Variants in LYRM4 observed in about 807,000 individuals in gnomAD.
LYRM4 encodes the protein LYR motif-containing protein 4.
A neutral mutation model predicts 11.7 loss-of-function variants in LYRM4; 9 were observed. The observed-to-expected ratio is 0.77, with a 90% CI of 0.46 to 1.34. The LOEUF is 1.34. Among genes scored for constraint, LYRM4 ranks in the 40% most tolerant of loss-of-function variants. The probability of loss-of-function intolerance (pLI) is 0.00; values close to 1 mark genes in which losing one functional copy is unlikely to be tolerated. For synonymous variants in LYRM4, 42 were observed against 40.4 expected, an observed-to-expected ratio of 1.04 and a Z score of -0.15; for missense variants, 133 against 112.5, an observed-to-expected ratio of 1.18 and a Z score of -0.82.
chr6:5,219,201 C>T (rs1465088869), intron 1 of LYRM4, among the ~76,000 whole-genome samples: 1 of 152,072 alleles, frequency 6.6e-6, no homozygotes, highest in Non-Finnish European at 1.5e-5. Flanking sequence ...ATGTAAAGAC[C>T]TAAGGTCTTC....
intron 1 of LYRM4, among the ~76,000 whole-genome samples, chr6:5,225,273 T>C (rs1762818130): frequency 6.6e-6 from 1 of 151,126 alleles, no homozygotes; most frequent in East Asian, 1.9e-4. Flanking sequence ...AAAAAGATGT[T>C]TAAAAAAAAC....
chr6:5,191,068 C>T lies in LYRM4; in HGVS notation c.207+25550G>A, dbSNP rs73719737. On this transcript the variant is annotated intron_variant, in intron 2 of 2. Transcript: ENST00000330636. ...TTCCTAAGAGAAAATCACGGATGTA[C>T]ATGAAGATATTTATGGCAACACTGT... 3.3e-3 allele frequency among the ~76,000 whole-genome samples: 495 copies of T among 151,678 alleles called. 5 individuals carry two copies. The highest frequency in any genetic ancestry group is 0.011 in the African/African-American group (469 of 41,312).
intron 2 of LYRM4, among the ~76,000 whole-genome samples, chr6:5,142,813 T>G (rs1039569225): frequency 1.3e-4 from 20 of 152,176 alleles, no homozygotes; most frequent in African/African-American, 4.3e-4. Flanking sequence ...GAGCCCAGGA[T>G]GCTTTCCCTA....
the LYRM4 span, chr6:5,086,190 CT>C: frequency 3.6e-5 from 55 of 1,533,940 alleles, no homozygotes; most frequent in Middle Eastern, 5.1e-4. Flanking sequence ...AGGTGAAGGG[CT>C]CCGGCCGGGT....
chr6:5,179,065 C>CAAAAAAAAAAAAA (rs58749743), intron 2 of LYRM4, among the ~76,000 whole-genome samples: 66 of 103,768 alleles, frequency 6.4e-4, no homozygotes, highest in Admixed American at 9.9e-4. Context: ...ACCAAAAAAA[C>CAAAAAAAAAAAAA]AAAAAAAAAA....
chr6:5,066,941 G>C, the LYRM4 span: 2 of 1,106,140 alleles, frequency 1.8e-6, no homozygotes, highest in Non-Finnish European at 2.5e-6. Context: ...CCAAGGCGGA[G>C]AGCCTCAGCC....
At chr6:5,234,109 C>T (rs1033444477) in intron 1 of LYRM4, among the ~76,000 whole-genome samples, 14 of 152,338 alleles carry the variant, frequency 9.2e-5, no homozygotes, top group African/African-American at 2.4e-4. Flanking sequence ...AATGTATTTT[C>T]TATCATGATG....
At chr6:5,233,763 A>T (rs1207517218) in intron 1 of LYRM4, among the ~76,000 whole-genome samples, 1 of 152,204 alleles carries the variant, frequency 6.6e-6, no homozygotes, top group Non-Finnish European at 1.5e-5. Context: ...GGCCCATGCC[A>T]CCATGCTCAG....
At chr6:5,249,468 GC>G (rs367656307) in intron 1 of LYRM4, among the ~76,000 whole-genome samples, 2 of 152,130 alleles carry the variant, frequency 1.3e-5, no homozygotes, top group South Asian at 2.1e-4. Flanking sequence ...TGTGATTTTT[GC>G]TTTTTTTATC....
chr6:5,231,501 G>A (rs1581562466), intron 1 of LYRM4, among the ~76,000 whole-genome samples: 1 of 152,318 alleles, frequency 6.6e-6, no homozygotes, highest in South Asian at 2.1e-4. Flanking sequence ...TGAAGTTAAA[G>A]GGCTCTGAAT....
At chr6:5,085,815 C>T in the LYRM4 span, 3 of 1,527,444 alleles carry the variant, frequency 2.0e-6, no homozygotes, top group Non-Finnish European at 2.6e-6. Context: ...TGGCACTGGG[C>T]GGCGAGGGGG....
At chr6:5,246,481 T>C (rs1186085619) in intron 1 of LYRM4, among the ~76,000 whole-genome samples, 1 of 152,188 alleles carries the variant, frequency 6.6e-6, no homozygotes, top group African/African-American at 2.4e-5. Context: ...ATTCCCCAAC[T>C]ACCACATTTA....
At chr6:5,175,510 AGAG>A (rs1443602109) in intron 2 of LYRM4, among the ~76,000 whole-genome samples, 1 of 152,042 alleles carries the variant, frequency 6.6e-6, no homozygotes, top group East Asian at 1.9e-4. Flanking sequence ...AAGGGATGGG[AGAG>A]GAGAATTAAA....
chr6:5,242,091 G>A (rs1336578961), intron 1 of LYRM4, among the ~76,000 whole-genome samples: 1 of 111,230 alleles, frequency 9.0e-6, no homozygotes. Flanking sequence ...TTTTTTTTTT[G>A]AGATAGAGTC....
intron 2 of LYRM4, among the ~76,000 whole-genome samples, chr6:5,150,724 A>G (rs546107164): frequency 1.3e-5 from 2 of 152,294 alleles, no homozygotes; most frequent in East Asian, 3.9e-4. Flanking sequence ...GCAAGCGTGT[A>G]ACCGCTGCAT....
chr6:5,260,795 A>G lies in LYRM4; in HGVS notation c.-62T>C. The G allele has an allele frequency of 6.5e-7, 1 of 1,533,392 alleles. No individual in the cohort carries two copies. The highest frequency in any genetic ancestry group is 8.7e-7 in the Non-Finnish European group (1 of 1,145,474). 95.0% of individuals were successfully genotyped at this position (1,533,392 alleles called of 1,614,324 possible). A position where few individuals can be genotyped will look rare whatever the true frequency, so the allele number is the denominator to read the frequency against. On this transcript the variant is annotated 5_prime_UTR_variant, in exon 1 of 3. Coordinates refer to ENST00000330636, the MANE Select transcript of LYRM4 (RefSeq NM_020408.6). ...CGAGGTCCCAAGTACGACCCAACCC[A>G]CGAAACTCCAGCCTGTGCGGAAACC... is the stretch of plus-strand genomic sequence containing the variant.
the LYRM4 span, among the ~76,000 whole-genome samples, chr6:5,064,928 G>A: frequency 2.6e-5 from 4 of 151,994 alleles, no homozygotes; most frequent in African/African-American, 4.8e-5. Flanking sequence ...GCTTAGTCTC[G>A]GTGTTGCACA....
the LYRM4 span, among the ~76,000 whole-genome samples, chr6:5,064,945 G>A: frequency 1.3e-5 from 2 of 151,488 alleles, no homozygotes; most frequent in African/African-American, 4.9e-5. Context: ...CACATCCTAC[G>A]GGTTTTAATA....
At chr6:5,179,768 T>C (rs1273707831) in intron 2 of LYRM4, among the ~76,000 whole-genome samples, 1 of 152,240 alleles carries the variant, frequency 6.6e-6, no homozygotes, top group Non-Finnish European at 1.5e-5. Flanking sequence ...TTCATTTCCT[T>C]TGAGTATATA....
Sources: gnomAD v4.1 joint callset for allele counts (sites outside exome capture counted in the v4.1 genomes callset) on GRCh38, gnomAD v4.1.1 for gene constraint, MANE v1.5 for transcripts, NCBI Gene and HGNC (gene_info 2026-07-23, HGNC 2026-07-21) for gene names.